Variants in FAT2 observed in about 807,000 individuals in gnomAD.
FAT2 encodes the protein protocadherin Fat 2.
FAT2 carries 150 observed loss-of-function variants against 295.3 expected under a neutral mutation model. The observed-to-expected ratio is 0.51, with a 90% CI of 0.44 to 0.58. The LOEUF (loss-of-function observed/expected upper bound fraction) is 0.58. Among genes scored for constraint, FAT2 ranks in the 20% least tolerant of loss-of-function variants. The pLI, the probability that FAT2 is intolerant of heterozygous loss-of-function variation, is 0.00. For synonymous variants in FAT2, 2,026 were observed against 2,150.3 expected (o/e 0.94, Z 1.60); for missense variants, 4,868 against 5,442.7 (o/e 0.89, Z 3.32).
chr5:151,568,855 A>C lies in FAT2; in HGVS notation c.77T>G (p.Leu26Arg). 1 of 1,614,100 alleles carries C rather than the reference A, an allele frequency of 6.2e-7. No individual in the cohort carries two copies. Among genetic ancestry groups the C allele is most frequent in the Non-Finnish European group, 8.5e-7 (1 of 1,179,998 alleles). Residue 26 changes from leucine (L) to arginine (R), a missense_variant, in exon 2 of 24, where the codon CTC becomes CGC. Physicochemically the swap from Leu to Arg is moderately radical, Grantham distance 102 (BLOSUM62 -2). Coordinates refer to ENST00000261800, the MANE Select transcript of FAT2 (RefSeq NM_001447.3). Reference sequence around the variant, plus strand: ...TGTGAAGTGCCAAGCAGAGGAGGAGAGAATCCCTTCTAGAGGCTTCTCACA... The same window carrying C: ...TGTGAAGTGCCAAGCAGAGGAGGAGCGAATCCCTTCTAGAGGCTTCTCACA... The part of the protein sequence containing the change: ...ATCEKPLEGI[L>R]SSSAWHFTHS...
At chr5:151,588,918 A>G (rs1759291113) in intron 1 of FAT2, among the ~76,000 whole-genome samples, 1 of 152,182 alleles carries the variant, frequency 6.6e-6, no homozygotes, top group African/African-American at 2.4e-5. Context: ...GATGATCCCC[A>G]TCTTTCAAAT....
At chr5:151,592,419 G>A (rs1239465200), upstream of FAT2, among the ~76,000 whole-genome samples, 1 of 152,014 alleles carries the variant, frequency 6.6e-6, no homozygotes, top group East Asian at 1.9e-4. Flanking sequence ...CAACCATTCT[G>A]TCCAATCCCC....
At chr5:151,589,772 T>C (rs1759326352) in intron 1 of FAT2, among the ~76,000 whole-genome samples, 1 of 152,108 alleles carries the variant, frequency 6.6e-6, no homozygotes, top group Non-Finnish European at 1.5e-5. Context: ...GTGGTGGTGT[T>C]TGTCTGTGGT....
At chr5:151,577,036 C>G (rs928755238) in intron 1 of FAT2, among the ~76,000 whole-genome samples, 1 of 152,152 alleles carries the variant, frequency 6.6e-6, no homozygotes, top group Non-Finnish European at 1.5e-5. Flanking sequence ...TTTTATGAGA[C>G]CACTCTCATA....
chr5:151,570,608 G>A (rs1253408451), intron 1 of FAT2, among the ~76,000 whole-genome samples: 1 of 152,226 alleles, frequency 6.6e-6, no homozygotes, highest in South Asian at 2.1e-4. Context: ...CAGGAGGAGC[G>A]GGGCAGGGTT....
intron 1 of FAT2, among the ~76,000 whole-genome samples, chr5:151,584,265 C>A (rs1014656114): frequency 6.6e-6 from 1 of 152,046 alleles, no homozygotes. Flanking sequence ...TCCCTTTACC[C>A]TCCCCTGCCC....
Position 151,567,160 on chromosome 5 carries a change from A to G in FAT2, c.1772T>C (p.Val591Ala). 1 of 1,614,230 alleles carries G rather than the reference A, an allele frequency of 6.2e-7. No individual in the cohort carries two copies. Among genetic ancestry groups the G allele is most frequent in the African/African-American group, 1.3e-5 (1 of 75,058 alleles). The change falls in exon 2 of 24, where the codon GTG (valine) becomes GCG (alanine). Residue 591 changes from valine to alanine, a missense_variant. Transcript: ENST00000261800. ...GTATTTTAGGTTCTGAAGCTCATCC[A>G]CATCTATGGCTGACATAGTCATTAT... ...KSIMTMSAID[V>A]DELQNLKYEI...
At position 151,528,218 on chromosome 5, in the gene FAT2, C is replaced by G. The variant is rs1431253756; in HGVS notation, c.10027-85G>C. 2.7e-6 allele frequency: 4 copies of G among 1,506,072 alleles called. No homozygotes were observed. In the East Asian group the frequency reaches 9.2e-5, roughly 35 times the overall value. 93.3% of individuals were successfully genotyped at this position (1,506,072 alleles called of 1,614,324 possible). ...AGGGGGAAACAGATATGTCCCTGCCCCAGTGACTGCCTTTGGGCTAGCAGT... is the reference window on the plus strand; with the variant it reads ...AGGGGGAAACAGATATGTCCCTGCCGCAGTGACTGCCTTTGGGCTAGCAGT... On this transcript the variant is annotated intron_variant, in intron 15 of 23. Transcript: ENST00000261800.
Position 151,551,469 on chromosome 5 carries a change from G to A in FAT2, c.4294C>T (p.Gln1432Ter). 1 of 1,614,028 alleles carries A rather than the reference G, an allele frequency of 6.2e-7. No homozygotes were observed. The highest frequency in any genetic ancestry group is 1.1e-5 in the South Asian group (1 of 91,062). The change falls in exon 7 of 24, where the codon CAG becomes TAG. Residue 1432 changes from glutamine to a stop codon, truncating the protein, a stop_gained and splice_region_variant. Transcript: ENST00000261800. LOFTEE classifies it high-confidence loss of function. ...GGTCCCCAGCCGAGGCCTCTAACCT[G>A]TGTGGCAATGGTGCGGGACCCATCT... ...VTDGSRTIATQVHIFMIANIN... is the reference protein window; with the variant it reads ...VTDGSRTIAT
Position 151,542,505 on chromosome 5 carries a change from A to T in FAT2, c.8622T>A (p.His2874Gln). The T allele has an allele frequency of 6.2e-7, 1 of 1,614,188 alleles. No homozygotes were observed. Among genetic ancestry groups the T allele is most frequent in the African/African-American group, 1.3e-5 (1 of 75,026 alleles). ...TCTGTCCGTGGTCATAGGCCACCAC[A>T]TGAAAATGATAAGTCTGGCAGGTCT... ...DCETCQTYHF[H>Q]VVAYDHGQTI... Residue 2874 changes from histidine (H) to glutamine (Q), a missense_variant, in exon 10 of 24, where the codon CAT becomes CAA. This residue lies in a region of FAT2 where 3,297 missense variants were observed against 3,669.4 expected (regional missense o/e 0.90). Transcript: ENST00000261800.
chr5:151,540,801 T>C (rs1486060946), intron 10 of FAT2, 38 bp from the exon 11 acceptor site: 7 of 1,577,378 alleles, frequency 4.4e-6, no homozygotes, highest in Non-Finnish European at 6.1e-6. Context: ...AGCCAAGCAA[T>C]AGGAATGAAC....
chr5:151,554,769 G>A (rs1035251462), intron 4 of FAT2, 96 bp from the exon 5 acceptor site: 2 of 935,084 alleles, frequency 2.1e-6, no homozygotes, highest in African/African-American at 3.4e-5. Flanking sequence ...TTGTTCTTTG[G>A]TATGAGCTTG....
intron 17 of FAT2, among the ~76,000 whole-genome samples, chr5:151,526,303 G>A (rs1263331141): frequency 6.6e-6 from 1 of 152,148 alleles, no homozygotes; most frequent in African/African-American, 2.4e-5. Flanking sequence ...ATTTAAATTA[G>A]TTATTACCTG....
rs147553469 is a variant in FAT2, at chr5:151,578,296, T to C, written c.-20-9345A>G. ...TGTGGTTCTTGCCACTTCGATCCAA[T>C]GGAATCCTTTGCAAAAGGATGAGTT... is the stretch of plus-strand genomic sequence containing the variant. On this transcript the variant is annotated intron_variant, in intron 1 of 23. Coordinates refer to ENST00000261800, the MANE Select transcript of FAT2 (RefSeq NM_001447.3). Among the ~76,000 whole-genome samples the C allele has an allele frequency of 1.6e-3, 238 of 152,288 alleles. 2 individuals are homozygous for C. The highest frequency in any genetic ancestry group is 5.4e-3 in the African/African-American group (224 of 41,556).
intron 17 of FAT2, among the ~76,000 whole-genome samples, chr5:151,526,630 AC>A (rs2127585610): frequency 6.6e-6 from 1 of 152,326 alleles, no homozygotes; most frequent in Admixed American, 6.5e-5. Context: ...TCAGATGTGG[AC>A]TGGCGATATT....
intron 21 of FAT2, chr5:151,511,725 T>C (rs963426980): frequency 5.7e-6 from 1 of 176,430 alleles, no homozygotes; most frequent in African/African-American, 2.4e-5. Flanking sequence ...ATACCACTTA[T>C]ATAAATTGGA....
Position 151,568,186 on chromosome 5 carries a change from G to A in FAT2, c.746C>T (p.Ala249Val), listed in dbSNP as rs368835148. Residue 249 changes from alanine to valine, a missense_variant, in exon 2 of 24, where the codon GCC becomes GTC. Physicochemically the swap from Ala to Val is moderately conservative, Grantham distance 64. Coordinates refer to ENST00000261800, the MANE Select transcript of FAT2 (RefSeq NM_001447.3). ...AGCAATGGCTGGGGGCTTCCTGAGG[G>A]CAGGCTCCACATGAACCACAAGTGC... is the stretch of plus-strand genomic sequence containing the variant. ...LAALVVHVEP[A>V]LRKPPAIASV... is the part of the protein sequence containing the mutation. 90 of 1,613,898 alleles carry A rather than the reference G, an allele frequency of 5.6e-5. No individual in the cohort carries two copies. The highest frequency in any genetic ancestry group is 6.9e-5 in the Non-Finnish European group (82 of 1,179,970).
chr5:151,544,329 A>G lies in FAT2; in HGVS notation c.6798T>C (p.Asn2266=), dbSNP rs1239963114. Residue 2266 remains asparagine, a synonymous_variant, in exon 10 of 24, where the codon AAT becomes AAC. Transcript: ENST00000261800. ...ATTGGGAAAAAGTGGGAGGGTTATC[A>G]TTGACATCCTCCACTAGGACTTCCA... ...ATVEVLVEDV[N]DNPPTFSQLV... 2.5e-6 allele frequency: 4 copies of G among 1,614,104 alleles called. No individual in the cohort carries two copies. Among genetic ancestry groups the G allele is most frequent in the African/African-American group, 2.7e-5 (2 of 74,928 alleles).
chr5:151,574,084 T>C (rs10044120), intron 1 of FAT2, among the ~76,000 whole-genome samples: 69,968 of 151,910 alleles, frequency 0.46, 16,215 homozygotes, highest in Non-Finnish European at 0.49. Flanking sequence ...AGCCCCCCAA[T>C]GGCAGCGAAG....
Sources: gnomAD v4.1 joint callset for allele counts (sites outside exome capture counted in the v4.1 genomes callset) on GRCh38, gnomAD v4.1.1 for gene constraint, gnomAD v4.1.1 regional missense constraint, MANE v1.5 for transcripts, NCBI Gene and HGNC (gene_info 2026-07-23, HGNC 2026-07-21) for gene names.